GRIK2: variants seen among roughly 807,000 people sequenced by gnomAD.
GRIK2 encodes glutamate ionotropic receptor kainate type subunit 2, also known as glutamate receptor ionotropic, kainate 2.
GRIK2 carries 32 observed loss-of-function variants against 100.3 expected under a neutral mutation model. The ratio of observed to expected loss-of-function variants is 0.32; its 90% CI spans 0.24 to 0.43. The LOEUF is 0.43. Ranked by LOEUF, GRIK2 falls within the 20% of genes least tolerant of loss-of-function variation. The pLI is 1.00. For synonymous variants in GRIK2, 417 were observed against 389.4 expected (o/e 1.07, Z -0.83); for missense variants, 843 against 1,114.9 (o/e 0.76, Z 3.47).
chr6:101,562,026 T>C (rs1777045323), intron 2 of GRIK2, among the ~76,000 whole-genome samples: 1 of 152,134 alleles, frequency 6.6e-6, no homozygotes, highest in African/African-American at 2.4e-5. Context: ...CTTGAATTAG[T>C]GGTTATTATC....
intron 14 of GRIK2, among the ~76,000 whole-genome samples, chr6:102,013,881 A>T (rs1231583809): frequency 1.2e-5 from 1 of 84,012 alleles, no homozygotes; most frequent in African/African-American, 1.4e-4. Flanking sequence ...ATATTGTCCT[A>T]AAGTTTTCTT....
chr6:101,857,752 G>A (rs1582393793), intron 10 of GRIK2, among the ~76,000 whole-genome samples: 2 of 152,186 alleles, frequency 1.3e-5, no homozygotes, highest in South Asian at 4.1e-4. Context: ...AAGTGCCTTC[G>A]ATAAAATGTG....
At chr6:101,577,116 G>A (rs1025593090) in intron 2 of GRIK2, among the ~76,000 whole-genome samples, 1 of 151,096 alleles carries the variant, frequency 6.6e-6, no homozygotes, top group African/African-American at 2.4e-5. Context: ...ATTAGATTTT[G>A]TTTGCTTTCT....
chr6:101,888,575 C>G (rs1786823365), intron 11 of GRIK2, among the ~76,000 whole-genome samples: 1 of 152,110 alleles, frequency 6.6e-6, no homozygotes, highest in Non-Finnish European at 1.5e-5. Context: ...GATACTCTTT[C>G]CAAGCATTTC....
At chr6:101,955,320 G>A (rs533554898) in intron 14 of GRIK2, among the ~76,000 whole-genome samples, 5 of 152,100 alleles carry the variant, frequency 3.3e-5, no homozygotes, top group South Asian at 4.2e-4. Flanking sequence ...CAGTAAAGCC[G>A]TTTGGTCCTA....
intron 2 of GRIK2, among the ~76,000 whole-genome samples, chr6:101,615,739 G>A (rs1562262448): frequency 1.3e-5 from 2 of 151,718 alleles, no homozygotes; most frequent in Non-Finnish European, 3.0e-5. Flanking sequence ...TCATAGGAAA[G>A]AAAAACATCT....
At chr6:101,697,254 T>C (rs1173799228) in intron 7 of GRIK2, among the ~76,000 whole-genome samples, 1 of 152,028 alleles carries the variant, frequency 6.6e-6, no homozygotes. Context: ...GACAGAGTGC[T>C]TGTGGTTTAA....
intron 10 of GRIK2, among the ~76,000 whole-genome samples, chr6:101,834,972 C>T (rs1326993303): frequency 6.6e-6 from 1 of 152,122 alleles, no homozygotes; most frequent in African/African-American, 2.4e-5. Flanking sequence ...CACTGCACTC[C>T]AGCCTGGGTG....
chr6:101,474,427 C>A (rs1444245454), intron 2 of GRIK2, among the ~76,000 whole-genome samples: 1 of 151,822 alleles, frequency 6.6e-6, no homozygotes, highest in South Asian at 2.1e-4. Context: ...AGCTTTAACA[C>A]ATATTTCTTA....
chr6:101,676,148 C>T (rs764812094), intron 4 of GRIK2, among the ~76,000 whole-genome samples: 6 of 152,086 alleles, frequency 3.9e-5, no homozygotes, highest in Non-Finnish European at 5.9e-5. Context: ...TGTGTGTACA[C>T]GTGTAAACGC....
At chr6:101,722,831 C>A (rs1012706852) in intron 7 of GRIK2, among the ~76,000 whole-genome samples, 3 of 152,038 alleles carry the variant, frequency 2.0e-5, no homozygotes, top group Non-Finnish European at 4.4e-5. Context: ...GGGGCCAAAG[C>A]TGACAGAAGA....
intron 2 of GRIK2, among the ~76,000 whole-genome samples, chr6:101,451,695 AGGG>A (rs66705609): frequency 1.6e-5 from 2 of 125,358 alleles, no homozygotes; most frequent in African/African-American, 2.9e-5. Flanking sequence ...TTTATCTCTG[AGGG>A]GGGGGGGGGT....
chr6:101,981,330 T>G (rs965036408), intron 14 of GRIK2, among the ~76,000 whole-genome samples: 4 of 151,876 alleles, frequency 2.6e-5, no homozygotes, highest in African/African-American at 7.2e-5. Flanking sequence ...TAAGGCAGTT[T>G]TACATTTTAG....
chr6:101,744,050 C>T (rs1465913926), intron 7 of GRIK2, among the ~76,000 whole-genome samples: 1 of 152,078 alleles, frequency 6.6e-6, no homozygotes. Flanking sequence ...TCACACCATT[C>T]TCCTGCTTCA....
At position 101,856,818 on chromosome 6, in the gene GRIK2, A is replaced by G. The variant is rs1229127793; in HGVS notation, c.1318-2469A>G. ...GGCTGCAGTTTTGACCATGCGGAAG[A>G]GAGACTAGACTTCAATGAGGGAAAT... On this transcript the variant is annotated intron_variant, in intron 10 of 16. Transcript: ENST00000369134. Among the ~76,000 whole-genome samples, 9 of 152,332 alleles carry G rather than the reference A, an allele frequency of 5.9e-5. No individual in the cohort carries two copies. The South Asian group carries it at 1.0e-3, about 18-fold the overall frequency.
At position 101,718,018 on chromosome 6, in the gene GRIK2, T is replaced by C. The variant is rs993515944; in HGVS notation, c.951+31665T>C. On this transcript the variant is annotated intron_variant, in intron 7 of 16. Coordinates refer to ENST00000369134, the MANE Select transcript of GRIK2 (RefSeq NM_021956.5). ...TTAATAATAAAATATTATTTACCCT[T>C]CTACCTATGTTTCTTTGCCAGGTAT... 2.3e-4 allele frequency among the ~76,000 whole-genome samples: 35 copies of C among 151,822 alleles called. 1 individual carries two copies. Among genetic ancestry groups the C allele is most frequent in the Non-Finnish European group, 1.0e-4 (7 of 67,864 alleles).
chr6:102,037,104 T>A (rs574810284), intron 15 of GRIK2, among the ~76,000 whole-genome samples: 1 of 151,262 alleles, frequency 6.6e-6, no homozygotes, highest in African/African-American at 2.4e-5. Flanking sequence ...TGTATTATGG[T>A]TTAAAAAAAG....
chr6:102,013,341 T>C (rs1002461073), intron 14 of GRIK2, among the ~76,000 whole-genome samples: 1 of 152,180 alleles, frequency 6.6e-6, no homozygotes, highest in Non-Finnish European at 1.5e-5. Flanking sequence ...GGGCTGAGAA[T>C]GCAGAGCTTT....
chr6:101,577,589 CAA>C (rs1432460810), intron 2 of GRIK2, among the ~76,000 whole-genome samples: 2 of 151,782 alleles, frequency 1.3e-5, no homozygotes, highest in African/African-American at 2.4e-5. Flanking sequence ...GTCAATAAAA[CAA>C]GAGTGTTGGC....
Sources: allele counts gnomAD v4.1 joint callset (sites outside exome capture counted in the v4.1 genomes callset), GRCh38; gene constraint gnomAD v4.1.1; transcripts MANE v1.5; gene names NCBI Gene and HGNC (gene_info 2026-07-23, HGNC 2026-07-21).